Variants in CNNM1 observed in about 807,000 individuals in gnomAD.
CNNM1 encodes cyclin and CBS domain divalent metal cation transport mediator 1.
Under a neutral mutation model 78.8 loss-of-function variants are expected in CNNM1, and 44 were observed. The observed-to-expected ratio is 0.56, with a 90% CI of 0.44 to 0.72. The LOEUF is 0.72. Among genes scored for constraint, CNNM1 ranks in the 30% least tolerant of loss-of-function variants. The pLI is 0.00. For synonymous variants in CNNM1, 584 were observed against 581.5 expected (o/e 1.00, Z -0.06); for missense variants, 1,101 against 1,292.2 (o/e 0.85, Z 2.27).
At chr10:99,347,576 A>AACACACACACACAAACACACACAC (rs2030750141) in intron 1 of CNNM1, among the ~76,000 whole-genome samples, 1 of 140,802 alleles carries the variant, frequency 7.1e-6, no homozygotes, top group Non-Finnish European at 1.5e-5. Context: ...ACCTTTTTGC[A>AACACACACACACAAACACACACAC]ACACACACAC....
At chr10:99,385,185 A>G (rs1250766472) in intron 7 of CNNM1, among the ~76,000 whole-genome samples, 3 of 152,234 alleles carry the variant, frequency 2.0e-5, no homozygotes, top group African/African-American at 4.8e-5. Context: ...AGAGACTTCC[A>G]GCCTGGGGGA....
rs747520798 is a variant in CNNM1 at position 99,330,024 on chromosome 10, G to C, written c.637G>C (p.Gly213Arg). The C allele has an allele frequency of 2.8e-5, 40 of 1,441,216 alleles. No individual in the cohort carries two copies. Among genetic ancestry groups the C allele is most frequent in the East Asian group, 2.9e-5 (1 of 34,796 alleles). 89.3% of individuals were successfully genotyped at this position (1,441,216 alleles called of 1,614,324 possible). The change falls in exon 1 of 11, where the codon GGC becomes CGC. Residue 213 changes from glycine (G) to arginine (R), a missense_variant. This residue lies in a region of CNNM1 where 476 missense variants were observed against 484.5 expected (regional missense o/e 0.98). Transcript: ENST00000356713. The part of the protein sequence containing the change: ...FLLRVRPRLY[G>R]PGGDLLPPAW... ...GCTGCGCGTTCGCCCGCGGTTGTAC[G>C]GCCCAGGCGGGGACCTGCTGCCCCC... is the stretch of plus-strand genomic sequence containing the variant.
At chr10:99,380,184 C>A (rs1264563269) in intron 7 of CNNM1, among the ~76,000 whole-genome samples, 1 of 152,062 alleles carries the variant, frequency 6.6e-6, no homozygotes, top group Non-Finnish European at 1.5e-5. Context: ...ACCCTTATAT[C>A]CTAATCACCT....
At chr10:99,339,837 G>C (rs2030362399) in intron 1 of CNNM1, among the ~76,000 whole-genome samples, 1 of 152,174 alleles carries the variant, frequency 6.6e-6, no homozygotes, top group African/African-American at 2.4e-5. Flanking sequence ...TCCAAATGCT[G>C]ACCGTAGCTA....
In CNNM1 at chr10:99,329,590, C is replaced by T; in HGVS notation, c.203C>T (p.Thr68Ile). The T allele has an allele frequency of 6.6e-7, 1 of 1,521,260 alleles. No individual in the cohort carries two copies. Among genetic ancestry groups the T allele is most frequent in the Admixed American group, 2.0e-5 (1 of 48,890 alleles). The allele number at this position is 1,521,260 out of a possible 1,614,324, so 94.2% of individuals were successfully genotyped here. Residue 68 changes from threonine (T) to isoleucine (I), a missense_variant, in exon 1 of 11, where the codon ACC becomes ATC. Coordinates refer to ENST00000356713, the MANE Select transcript of CNNM1 (RefSeq NM_020348.3). ...GGCACCCTGCGCGCCGCCGAAGGCACCAGCTTCCTCCTGCGTGTCTATTTC... is the reference window on the plus strand; with the variant it reads ...GGCACCCTGCGCGCCGCCGAAGGCATCAGCTTCCTCCTGCGTGTCTATTTC... ...EGGTLRAAEG[T>I]SFLLRVYFQP...
chr10:99,364,963 G>A lies in CNNM1; in HGVS notation c.2137G>A (p.Val713Met), dbSNP rs368836717. Reference protein sequence around the residue: ...IMTTACSDNDVRKVGSLAGSS... With the variant: ...IMTTACSDNDMRKVGSLAGSS... ...CATGCTTCTGTCCTTAGATAATGAC[G>A]TGCGGAAGGTTGGAAGTCTGGCTGG... Residue 713 changes from valine to methionine, a missense_variant, in exon 6 of 11, where the codon GTG (valine) becomes ATG (methionine). Val to Met is a conservative substitution (Grantham distance 21, BLOSUM62 1). This residue lies in a region of CNNM1 where 348 missense variants were observed against 384.5 expected (regional missense o/e 0.90). Coordinates refer to ENST00000356713, the MANE Select transcript of CNNM1 (RefSeq NM_020348.3). 1.9e-5 allele frequency: 30 copies of A among 1,613,820 alleles called. No individual in the cohort carries two copies. Among genetic ancestry groups the A allele is most frequent in the Non-Finnish European group, 2.2e-5 (26 of 1,179,834 alleles).
At chr10:99,370,287 T>G (rs2031756993) in intron 6 of CNNM1, among the ~76,000 whole-genome samples, 1 of 152,118 alleles carries the variant, frequency 6.6e-6, no homozygotes, top group Non-Finnish European at 1.5e-5. Flanking sequence ...AGGAGATTAG[T>G]GTCAACACAA....
intron 6 of CNNM1, among the ~76,000 whole-genome samples, chr10:99,374,805 G>A (rs569379740): frequency 6.6e-6 from 1 of 152,320 alleles, no homozygotes; most frequent in East Asian, 1.9e-4. Context: ...GTACAATGAG[G>A]ATAACCAGAG....
intron 6 of CNNM1, among the ~76,000 whole-genome samples, chr10:99,375,516 T>A (rs1206470103): frequency 6.6e-6 from 1 of 152,202 alleles, no homozygotes; most frequent in Non-Finnish European, 1.5e-5. Context: ...GGAAGTGGAC[T>A]CCTTAATTCC....
rs1850596294 is a variant in CNNM1 at position 99,330,673 on chromosome 10, T to TGGA, written c.1292_1294dup (p.Glu431dup). On this transcript the variant is annotated inframe_insertion, in exon 1 of 11. Coordinates refer to ENST00000356713, the MANE Select transcript of CNNM1 (RefSeq NM_020348.3). ...GCCCTGGAGCTGCGCACCAAAGTTG[T>TGGA]GGAGGAGGTGCTGACCCCCCTGGGA... 1.2e-6 allele frequency: 2 copies of TGGA among 1,613,804 alleles called. No homozygotes were observed. Among genetic ancestry groups the TGGA allele is most frequent in the Non-Finnish European group, 8.5e-7 (1 of 1,179,852 alleles).
At position 99,361,911 on chromosome 10, in the gene CNNM1, G is replaced by C. The variant is rs531675651; in HGVS notation, c.1859-316G>C. Reference sequence around the variant, plus strand: ...AAGTCTTTGTTGTTTATGTGGCTTAGTTGTCCATGTCCAATTTTAAATAAA... The same window carrying C: ...AAGTCTTTGTTGTTTATGTGGCTTACTTGTCCATGTCCAATTTTAAATAAA... On this transcript the variant is annotated intron_variant, in intron 3 of 10. Transcript: ENST00000356713. 7.3e-4 allele frequency among the ~76,000 whole-genome samples: 111 copies of C among 152,288 alleles called. 1 individual carries two copies. The Middle Eastern group carries it at 0.034, about 47-fold the overall frequency.
chr10:99,387,327 A>ATAAGC (rs1458488490), intron 7 of CNNM1, among the ~76,000 whole-genome samples: 2 of 152,126 alleles, frequency 1.3e-5, no homozygotes, highest in Non-Finnish European at 2.9e-5. Flanking sequence ...GCATGACCCT[A>ATAAGC]CATCCAGGGA....
chr10:99,329,725 C>G lies in CNNM1; in HGVS notation c.338C>G (p.Pro113Arg). Reference sequence around the variant, plus strand: ...CGGCTCGTGTTCATCGAGGAGCCCCCGGGCGGTGGCGGCGTGGCCCCCAGC... The same window carrying G: ...CGGCTCGTGTTCATCGAGGAGCCCCGGGGCGGTGGCGGCGTGGCCCCCAGC... Reference protein sequence around the residue: ...APRLVFIEEPPGGGGVAPSAV... With the variant: ...APRLVFIEEPRGGGGVAPSAV... Residue 113 changes from proline to arginine, a missense_variant, in exon 1 of 11, where the codon CCG (proline) becomes CGG (arginine). Around this residue, in one of 3 missense-constraint regions of CNNM1, gnomAD observed 476 missense variants for 484.5 expected, o/e 0.98. Transcript: ENST00000356713. 1 of 1,517,404 alleles carries G rather than the reference C, an allele frequency of 6.6e-7. No homozygotes were observed. Among genetic ancestry groups the G allele is most frequent in the Admixed American group, 2.0e-5 (1 of 49,646 alleles). 94.0% of individuals were successfully genotyped at this position (1,517,404 alleles called of 1,614,324 possible).
At chr10:99,371,826 G>A (rs1020640275) in intron 6 of CNNM1, among the ~76,000 whole-genome samples, 18 of 152,120 alleles carry the variant, frequency 1.2e-4, no homozygotes, top group African/African-American at 4.3e-4. Flanking sequence ...AATTCTAGTT[G>A]GTACTCTTAC....
rs1025407375 is a variant in CNNM1 at position 99,392,642 on chromosome 10, A to ACCAGAT, written c.*1127_*1132dup. ...GGCAGGTGCAATTCCAAGCATAACC[A>ACCAGAT]CCAGATGGCAGAGTGACCGCGCATA... On this transcript the variant is annotated 3_prime_UTR_variant, in exon 11 of 11. Coordinates refer to ENST00000356713, the MANE Select transcript of CNNM1 (RefSeq NM_020348.3). The ACCAGAT allele has an allele frequency of 3.3e-5, 5 of 152,214 alleles. No homozygotes were observed. Among genetic ancestry groups the ACCAGAT allele is most frequent in the Non-Finnish European group, 7.3e-5 (5 of 68,068 alleles). 9.4% of individuals were successfully genotyped at this position (152,214 alleles called of 1,614,324 possible).
At chr10:99,383,562 A>G (rs1181718018) in intron 7 of CNNM1, among the ~76,000 whole-genome samples, 2 of 152,060 alleles carry the variant, frequency 1.3e-5, no homozygotes, top group Non-Finnish European at 2.9e-5. Context: ...GTGAGCCACT[A>G]TCTGGAATTT....
intron 1 of CNNM1, among the ~76,000 whole-genome samples, chr10:99,351,422 A>G (rs893226008): frequency 6.6e-6 from 1 of 152,192 alleles, no homozygotes; most frequent in Non-Finnish European, 1.5e-5. Flanking sequence ...AGAAATGGTA[A>G]ACAGGTAGAG....
At position 99,365,076 on chromosome 10, in the gene CNNM1, C is replaced by T. The variant is rs559885093; in HGVS notation, c.2176+74C>T. 125 of 1,510,006 alleles carry T rather than the reference C, an allele frequency of 8.3e-5. 2 individuals are homozygous for T. In the South Asian group the frequency reaches 1.0e-3, roughly 12 times the overall value. The allele number at this position is 1,510,006 out of a possible 1,614,324, so 93.5% of individuals were successfully genotyped here. ...CTCAGCCCGCTCTGGGGACCTGGAC[C>T]GAGCACTTTGAGCCTGGGCTGGGGC... On this transcript the variant is annotated intron_variant, in intron 6 of 10. Transcript: ENST00000356713.
chr10:99,366,663 T>G (rs1222065967), intron 6 of CNNM1, among the ~76,000 whole-genome samples: 4 of 152,038 alleles, frequency 2.6e-5, no homozygotes, highest in Non-Finnish European at 5.9e-5. Flanking sequence ...GTGCCTTTGA[T>G]CCCAGCTACT....
Sources: gnomAD v4.1 joint callset for allele counts (sites outside exome capture counted in the v4.1 genomes callset) on GRCh38, gnomAD v4.1.1 for gene constraint, gnomAD v4.1.1 regional missense constraint, MANE v1.5 for transcripts, NCBI Gene and HGNC (gene_info 2026-07-23, HGNC 2026-07-21) for gene names.